Variants in SLC5A4 observed in about 807,000 individuals in gnomAD.
SLC5A4 encodes the protein probable glucose sensor protein SLC5A4.
In SLC5A4, 55 loss-of-function variants were observed where a neutral mutation model predicts 70.3. The observed-to-expected ratio is 0.78, with a 90% confidence interval of 0.63 to 0.98. The LOEUF (loss-of-function observed/expected upper bound fraction) is 0.98, where lower values mean the gene tolerates loss of function less well. Among genes scored for constraint, SLC5A4 ranks in the 50% least tolerant of loss-of-function variants. The pLI is 0.00. For synonymous variants in SLC5A4, 268 were observed against 305.7 expected, an observed-to-expected ratio of 0.88 and a Z score of 1.29; for missense variants, 735 against 839.2, an observed-to-expected ratio of 0.88 and a Z score of 1.53.
At chr22:32,333,039 T>C in the SLC5A4 span, among the ~76,000 whole-genome samples, 1 of 152,202 alleles carries the variant, frequency 6.6e-6, no homozygotes, top group Admixed American at 6.5e-5. Flanking sequence ...AGCTGAGAGA[T>C]GGCTTAGAAG....
At chr22:32,341,656 T>G in the SLC5A4 span, among the ~76,000 whole-genome samples, 2 of 152,196 alleles carry the variant, frequency 1.3e-5, no homozygotes, top group Non-Finnish European at 2.9e-5. Context: ...CAAATGCTTC[T>G]TGCCACAACT....
the SLC5A4 span, among the ~76,000 whole-genome samples, chr22:32,291,878 CT>C: frequency 8.6e-4 from 32 of 37,084 alleles, no homozygotes; most frequent in African/African-American, 1.6e-3. Flanking sequence ...TCTTTTCTAT[CT>C]TTTTTTTTTT....
intron 5 of SLC5A4, among the ~76,000 whole-genome samples, chr22:32,239,633 TA>T (rs1569375226): frequency 7.9e-6 from 1 of 127,056 alleles, no homozygotes; most frequent in Non-Finnish European, 1.6e-5. Flanking sequence ...AAAATATATA[TA>T]ATATATATAT....
chr22:32,335,364 A>C, the SLC5A4 span, among the ~76,000 whole-genome samples: 4 of 152,128 alleles, frequency 2.6e-5, no homozygotes, highest in Non-Finnish European at 5.9e-5. Context: ...CTGGCTAGAC[A>C]AGCTGTGAGT....
chr22:32,227,634 T>C (rs974235507), intron 11 of SLC5A4, among the ~76,000 whole-genome samples: 1 of 152,128 alleles, frequency 6.6e-6, no homozygotes, highest in African/African-American at 2.4e-5. Context: ...AAACATAACA[T>C]GAGCAAAAGA....
At chr22:32,311,881 G>A in the SLC5A4 span, among the ~76,000 whole-genome samples, 5 of 152,202 alleles carry the variant, frequency 3.3e-5, no homozygotes, top group African/African-American at 9.6e-5. Flanking sequence ...TGGGGATCAC[G>A]TCATGTCCAG....
the SLC5A4 span, among the ~76,000 whole-genome samples, chr22:32,310,677 G>A: frequency 3.9e-5 from 6 of 152,348 alleles, no homozygotes; most frequent in East Asian, 1.2e-3. Flanking sequence ...CTGAGGCCAG[G>A]GGCCTGGGTC....
chr22:32,330,352 G>A, the SLC5A4 span, among the ~76,000 whole-genome samples: 2 of 54,070 alleles, frequency 3.7e-5, 1 homozygote, highest in African/African-American at 1.8e-4. Context: ...ATATGTTGGG[G>A]GCTCTGTGTT....
the SLC5A4 span, among the ~76,000 whole-genome samples, chr22:32,333,970 A>ACACACACACCATG: frequency 6.8e-6 from 1 of 147,808 alleles, no homozygotes. Context: ...CCCACAATAT[A>ACACACACACCATG]CACACACACC....
chr22:32,313,051 C>G, the SLC5A4 span, among the ~76,000 whole-genome samples: 1 of 151,158 alleles, frequency 6.6e-6, no homozygotes, highest in Non-Finnish European at 1.5e-5. Context: ...TGCAATAAGG[C>G]AAGAAAAAAA....
intron 5 of SLC5A4, among the ~76,000 whole-genome samples, chr22:32,239,536 A>T (rs182027517): frequency 0.037 from 449 of 12,022 alleles, 48 homozygotes; most frequent in African/African-American, 0.23. Context: ...ATATATATAT[A>T]TATATATATA....
the SLC5A4 span, among the ~76,000 whole-genome samples, chr22:32,281,791 T>C: frequency 6.6e-6 from 1 of 150,426 alleles, no homozygotes; most frequent in Non-Finnish European, 1.5e-5. Context: ...GTACCCTGAT[T>C]GTTCCTCCAT....
chr22:32,306,228 G>A, the SLC5A4 span, among the ~76,000 whole-genome samples: 1 of 152,196 alleles, frequency 6.6e-6, no homozygotes, highest in African/African-American at 2.4e-5. Context: ...CACTTTGGGA[G>A]GCCGAGGCAG....
intron 7 of SLC5A4, 34 bp downstream of exon 7, chr22:32,237,210 G>A (rs1333137196): frequency 1.3e-6 from 2 of 1,484,508 alleles, no homozygotes; most frequent in Non-Finnish European, 1.9e-6. Context: ...GTGATTTCCA[G>A]GCCCTGGGCA....
At chr22:32,351,267 T>C in the SLC5A4 span, among the ~76,000 whole-genome samples, 1 of 152,204 alleles carries the variant, frequency 6.6e-6, no homozygotes, top group Non-Finnish European at 1.5e-5. Context: ...ATATTTTATT[T>C]GACGCTTCAT....
At chr22:32,336,755 G>GA in the SLC5A4 span, among the ~76,000 whole-genome samples, 79 of 152,346 alleles carry the variant, frequency 5.2e-4, no homozygotes, top group Non-Finnish European at 9.7e-4. Context: ...CCCTTTGGCT[G>GA]AAGACATTGA....
At chr22:32,238,330 G>A (rs1385541058) in intron 6 of SLC5A4, among the ~76,000 whole-genome samples, 1 of 152,200 alleles carries the variant, frequency 6.6e-6, no homozygotes, top group African/African-American at 2.4e-5. Context: ...ATTTTGGAGA[G>A]TTGGTCTCTC....
chr22:32,261,436 G>T, the SLC5A4 span, among the ~76,000 whole-genome samples: 2 of 152,226 alleles, frequency 1.3e-5, no homozygotes, highest in Non-Finnish European at 2.9e-5. Flanking sequence ...GCGAGGTGGG[G>T]GCTTGTGGCC....
chr22:32,337,875 G>C, the SLC5A4 span, among the ~76,000 whole-genome samples: 5 of 152,004 alleles, frequency 3.3e-5, no homozygotes, highest in Non-Finnish European at 7.4e-5. Flanking sequence ...TGTAGCAAAA[G>C]AACTAAGAAG....
Sources: allele counts gnomAD v4.1 joint callset (sites outside exome capture counted in the v4.1 genomes callset), GRCh38; gene constraint gnomAD v4.1.1; transcripts MANE v1.5; gene names NCBI Gene and HGNC (gene_info 2026-07-23, HGNC 2026-07-21).